Variants in KAZN observed in about 807,000 individuals in gnomAD.
The protein encoded by KAZN is kazrin, periplakin interacting protein, also known as kazrin.
KAZN carries 40 observed loss-of-function variants against 87.4 expected under a neutral mutation model. The observed-to-expected ratio is 0.46, with a 90% CI of 0.36 to 0.60. The LOEUF is 0.60. Among genes scored for constraint, KAZN ranks in the 20% least tolerant of loss-of-function variants. KAZN has a pLI of 0.00. For synonymous variants in KAZN, 466 were observed against 458.3 expected (o/e 1.02, Z -0.22); for missense variants, 898 against 1,073.9 (o/e 0.84, Z 2.29).
At chr1:14,882,146 A>G (rs995474096) in intron 1 of KAZN, among the ~76,000 whole-genome samples, 2 of 152,196 alleles carry the variant, frequency 1.3e-5, no homozygotes, top group African/African-American at 4.8e-5. Flanking sequence ...AGACTGGCTC[A>G]TCCTCTCGCC....
Position 14,996,872 on chromosome 1 carries a change from C to T in KAZN, c.418+35997C>T, listed in dbSNP as rs1276657533. Among the ~76,000 whole-genome samples the T allele has an allele frequency of 6.6e-6, 1 of 152,178 alleles. No individual in the cohort carries two copies. Among genetic ancestry groups the T allele is most frequent in the Non-Finnish European group, 1.5e-5 (1 of 68,028 alleles). ...CCGTTTGCCTGCGGCCCCATGACCT[C>T]GCACCCACCTCCCTGCCTGACCTCA... On this transcript the variant is annotated intron_variant, in intron 2 of 14. Coordinates refer to ENST00000376030, the MANE Select transcript of KAZN (RefSeq NM_201628.3). The surrounding 1 kb of genome is among the most constrained non-coding windows in gnomAD (Gnocchi z 5.9).
intron 1 of KAZN, among the ~76,000 whole-genome samples, chr1:14,864,543 T>C (rs767037699): frequency 1.7e-4 from 26 of 152,106 alleles, no homozygotes; most frequent in Non-Finnish European, 3.1e-4. Context: ...GTGGGGGCGA[T>C]AGATGGAGAC....
rs777747418 is a variant in KAZN, at chr1:14,599,111, G to A, written c.114G>A (p.Ala38=). 10 of 1,545,034 alleles carry A rather than the reference G, an allele frequency of 6.5e-6. No homozygotes were observed. Among genetic ancestry groups the A allele is most frequent in the South Asian group, 1.2e-5 (1 of 83,310 alleles). Residue 38 remains alanine, a synonymous_variant, in exon 1 of 15, where the codon GCG becomes GCA. Transcript: ENST00000376030. This position sits in a 1 kb window ranked among gnomAD's most constrained non-coding sequence, Gnocchi z 4.4. ...AELTATNRRL[A]ELSGGGGPGP... ...TCACGGCCACCAACCGGAGACTGGCGGAACTGAGCGGCGGCGGCGGCCCCG... is the reference window on the plus strand; with the variant it reads ...TCACGGCCACCAACCGGAGACTGGCAGAACTGAGCGGCGGCGGCGGCCCCG...
At chr1:13,994,871 TAA>T in intron 1 of KAZN, among the ~76,000 whole-genome samples, 1 of 150,654 alleles carries the variant, frequency 6.6e-6, no homozygotes, top group East Asian at 2.0e-4. Context: ...TGCAGCATGC[TAA>T]ACAAACAAAC....
intron 2 of KAZN, among the ~76,000 whole-genome samples, chr1:14,544,464 A>G (rs1363379086): frequency 6.6e-6 from 1 of 151,132 alleles, no homozygotes; most frequent in Non-Finnish European, 1.5e-5. Flanking sequence ...GAATGTATAA[A>G]GACCATAAAG....
chr1:14,785,804 A>G (rs888881046), intron 1 of KAZN, among the ~76,000 whole-genome samples: 7 of 152,164 alleles, frequency 4.6e-5, no homozygotes, highest in South Asian at 4.1e-4. Flanking sequence ...AGTAGAGGCA[A>G]TGTTTCTCAC....
intron 1 of KAZN, among the ~76,000 whole-genome samples, chr1:14,910,362 C>T (rs1213388298): frequency 2.0e-5 from 3 of 152,200 alleles, no homozygotes; most frequent in Non-Finnish European, 2.9e-5. Flanking sequence ...TCTCAGGATC[C>T]GGTTCCTGGC....
chr1:14,423,726 A>G (rs537847499), intron 2 of KAZN, among the ~76,000 whole-genome samples: 2 of 152,316 alleles, frequency 1.3e-5, no homozygotes, highest in South Asian at 2.1e-4. Flanking sequence ...TGTGGCTCAG[A>G]TGGAACTTCC....
chr1:14,854,018 A>G (rs1379161362), intron 1 of KAZN, among the ~76,000 whole-genome samples: 1 of 152,214 alleles, frequency 6.6e-6, no homozygotes. Context: ...GGGACAATGT[A>G]CATGGCCTCA....
intron 1 of KAZN, among the ~76,000 whole-genome samples, chr1:14,826,289 G>A (rs74592356): frequency 5.3e-5 from 8 of 152,366 alleles, no homozygotes; most frequent in Non-Finnish European, 1.2e-4. Flanking sequence ...AATTGTCTGC[G>A]GATGTTCGTA....
intron 1 of KAZN, among the ~76,000 whole-genome samples, chr1:14,705,049 G>A (rs1488612772): frequency 6.6e-6 from 1 of 152,194 alleles, no homozygotes; most frequent in Non-Finnish European, 1.5e-5. Flanking sequence ...GCAAACCACA[G>A]AAATTCATTT....
At chr1:14,344,889 C>G (rs559667347) in intron 2 of KAZN, among the ~76,000 whole-genome samples, 1 of 151,662 alleles carries the variant, frequency 6.6e-6, no homozygotes, top group East Asian at 1.9e-4. Flanking sequence ...GGACTCAACA[C>G]AAACACACAC....
At chr1:14,164,373 T>A (rs1270120830) in intron 1 of KAZN, among the ~76,000 whole-genome samples, 2 of 151,952 alleles carry the variant, frequency 1.3e-5, no homozygotes, top group African/African-American at 4.8e-5. Flanking sequence ...CAGTTCTTCA[T>A]ATGGCCTGCT....
chr1:14,795,027 G>A (rs1737351), intron 1 of KAZN, among the ~76,000 whole-genome samples: 35,464 of 152,044 alleles, frequency 0.23, 4,816 homozygotes, highest in East Asian at 0.63. Context: ...TTACACTAGT[G>A]GTTTGCCAGA....
intron 1 of KAZN, among the ~76,000 whole-genome samples, chr1:14,944,850 T>A (rs182951987): frequency 6.6e-6 from 1 of 152,238 alleles, no homozygotes. Flanking sequence ...CAAGGCCTTC[T>A]GCGGATGGCG....
intron 1 of KAZN, among the ~76,000 whole-genome samples, chr1:14,695,811 C>A (rs1641572628): frequency 6.6e-6 from 1 of 151,922 alleles, no homozygotes; most frequent in Non-Finnish European, 1.5e-5. Context: ...GCCTCTCCAC[C>A]CTGTCTTCTA....
At chr1:14,894,051 A>C (rs935593625) in intron 1 of KAZN, among the ~76,000 whole-genome samples, 3 of 151,964 alleles carry the variant, frequency 2.0e-5, no homozygotes, top group African/African-American at 4.8e-5. Context: ...CTGTCCCCCA[A>C]ATCCACTTCT....
chr1:14,392,527 G>T (rs948262904), intron 2 of KAZN, among the ~76,000 whole-genome samples: 6 of 152,050 alleles, frequency 3.9e-5, no homozygotes, highest in African/African-American at 1.4e-4. Flanking sequence ...GCCTGGCAGG[G>T]TGTCTCTGCC....
intron 2 of KAZN, among the ~76,000 whole-genome samples, chr1:15,008,609 C>CAGAGGT (rs1669267822): frequency 6.6e-6 from 1 of 152,210 alleles, no homozygotes; most frequent in Non-Finnish European, 1.5e-5. Context: ...GTTCAAAGGC[C>CAGAGGT]AGAGGTTATG....
Sources: allele counts gnomAD v4.1 joint callset (sites outside exome capture counted in the v4.1 genomes callset), GRCh38; gene constraint gnomAD v4.1.1; non-coding constraint Gnocchi (gnomAD v3.1); transcripts MANE v1.5; gene names NCBI Gene and HGNC (gene_info 2026-07-23, HGNC 2026-07-21).